The following PIK3CB variants were observed in gnomAD, a reference collection of about 807,000 sequenced individuals.
PIK3CB encodes the protein phosphatidylinositol 4,5-bisphosphate 3-kinase catalytic subunit beta isoform.
Under a neutral mutation model 136.8 loss-of-function variants are expected in PIK3CB, and 39 were observed. That is an observed-to-expected ratio of 0.29 (90% CI 0.22 to 0.37). The LOEUF (loss-of-function observed/expected upper bound fraction) is 0.37, where lower values mean the gene tolerates loss of function less well. Ranked by LOEUF, PIK3CB falls within the 10% of genes least tolerant of loss-of-function variation. The pLI, the probability that PIK3CB is intolerant of heterozygous loss-of-function variation, is 1.00. For missense variants in PIK3CB, 868 were observed against 1,275.4 expected, an observed-to-expected ratio of 0.68 and a Z score of 4.87; for synonymous variants, 428 against 436.6, an observed-to-expected ratio of 0.98 and a Z score of 0.25.
chr3:138,716,826 GC>G (rs1442731209), intron 8 of PIK3CB, among the ~76,000 whole-genome samples: 1 of 147,748 alleles, frequency 6.8e-6, no homozygotes, highest in Non-Finnish European at 1.5e-5. Context: ...AACCCAGGAG[GC>G]GGGTTGCAGT....
chr3:138,674,316 C>T lies in PIK3CB; in HGVS notation c.2504+7651G>A, dbSNP rs2043600911. On this transcript the variant is annotated intron_variant, in intron 19 of 23. Coordinates refer to ENST00000674063, the MANE Select transcript of PIK3CB (RefSeq NM_006219.3). ...AGGGCTAAGGCACAGTTCTGAACCA[C>T]CAGGCTGACTGTTGAAGGCATGACC... Among the ~76,000 whole-genome samples, 3 of 151,984 alleles carry T rather than the reference C, an allele frequency of 2.0e-5. No individual in the cohort carries two copies. In the South Asian group the frequency reaches 6.2e-4, roughly 32 times the overall value.
intron 8 of PIK3CB, among the ~76,000 whole-genome samples, chr3:138,716,938 A>G (rs555121118): frequency 1.6e-4 from 23 of 148,022 alleles, no homozygotes; most frequent in African/African-American, 5.2e-4. Context: ...TTCACCTTGT[A>G]AACTGTGTGA....
At chr3:138,711,686 G>T (rs1182431504) in intron 10 of PIK3CB, among the ~76,000 whole-genome samples, 1 of 150,282 alleles carries the variant, frequency 6.7e-6, no homozygotes, top group African/African-American at 2.4e-5. Flanking sequence ...AAACTTAAAA[G>T]TTATGTCCCA....
Position 138,686,941 on chromosome 3 carries a change from T to C in PIK3CB, c.2136+1934A>G, listed in dbSNP as rs1210688831. 2.0e-5 allele frequency among the ~76,000 whole-genome samples: 3 copies of C among 152,164 alleles called. No homozygotes were observed. The East Asian group carries it at 5.8e-4, about 29-fold the overall frequency. On this transcript the variant is annotated intron_variant, in intron 16 of 23. Transcript: ENST00000674063. ...TACTTCTCAACAGTTTCAGGAGCTG[T>C]ACAAACACTGGTGACAAGGCAACCA...
chr3:138,667,360 G>A (rs532551257), intron 19 of PIK3CB, among the ~76,000 whole-genome samples: 2 of 152,052 alleles, frequency 1.3e-5, no homozygotes, highest in East Asian at 3.9e-4. Flanking sequence ...AAGGACTTCT[G>A]TCATACTCCT....
chr3:138,679,226 T>C (rs759864927), intron 19 of PIK3CB, among the ~76,000 whole-genome samples: 24 of 152,306 alleles, frequency 1.6e-4, no homozygotes, highest in Non-Finnish European at 3.2e-4. Context: ...AATGAGAATA[T>C]AGATCTGAAC....
chr3:138,740,629 T>C (rs2045224085), intron 5 of PIK3CB, among the ~76,000 whole-genome samples: 1 of 152,130 alleles, frequency 6.6e-6, no homozygotes, highest in Non-Finnish European at 1.5e-5. Context: ...TTGTTCATTA[T>C]CACTTTCAAT....
intron 21 of PIK3CB, among the ~76,000 whole-genome samples, chr3:138,658,223 AG>A (rs1243864594): frequency 6.6e-6 from 1 of 152,164 alleles, no homozygotes; most frequent in Non-Finnish European, 1.5e-5. Context: ...CTGAGGCAGG[AG>A]GATCACTTGA....
At chr3:138,767,437 A>T (rs1285556536) in intron 2 of PIK3CB, among the ~76,000 whole-genome samples, 1 of 152,126 alleles carries the variant, frequency 6.6e-6, no homozygotes, top group African/African-American at 2.4e-5. Flanking sequence ...ACTGCCCTAA[A>T]ATAATTCCTA....
In PIK3CB at chr3:138,653,964, A is replaced by C. The variant is rs77023459; in HGVS notation, c.*1425T>G. ...GTCTACTGACTTGGCCATTTCTTGG[A>C]GTTCCAGTGCCAAGTTCCAAAGGCC... On this transcript the variant is annotated 3_prime_UTR_variant, in exon 24 of 24. Coordinates refer to ENST00000674063, the MANE Select transcript of PIK3CB (RefSeq NM_006219.3). 64 of 198,612 alleles carry C rather than the reference A, an allele frequency of 3.2e-4. No homozygotes were observed. Among genetic ancestry groups the C allele is most frequent in the African/African-American group, 1.5e-3 (64 of 43,440 alleles). 12.3% of individuals were successfully genotyped at this position (198,612 alleles called of 1,614,324 possible).
At chr3:138,655,829 A>T (rs2043182224) in intron 23 of PIK3CB, among the ~76,000 whole-genome samples, 1 of 152,184 alleles carries the variant, frequency 6.6e-6, no homozygotes, top group Non-Finnish European at 1.5e-5. Context: ...TGGCAAGAAA[A>T]AGGCAGACTG....
intron 4 of PIK3CB, among the ~76,000 whole-genome samples, chr3:138,748,044 A>G (rs1428880270): frequency 6.6e-6 from 1 of 152,078 alleles, no homozygotes; most frequent in Non-Finnish European, 1.5e-5. Context: ...ATTTGATAAT[A>G]CCCTGTGCTG....
At chr3:138,697,400 A>C (rs1354077926) in intron 13 of PIK3CB, among the ~76,000 whole-genome samples, 2 of 151,838 alleles carry the variant, frequency 1.3e-5, no homozygotes, top group Non-Finnish European at 2.9e-5. Context: ...CAATAATATA[A>C]TTATATAACA....
chr3:138,725,184 T>C (rs1031318959), intron 8 of PIK3CB, among the ~76,000 whole-genome samples: 1 of 151,520 alleles, frequency 6.6e-6, no homozygotes, highest in Non-Finnish European at 1.5e-5. Flanking sequence ...ACTCCCTAAA[T>C]ATATATATTT....
At chr3:138,703,649 T>C (rs1816997) in intron 12 of PIK3CB, among the ~76,000 whole-genome samples, 6,705 of 152,150 alleles carry the variant, frequency 0.044, 487 homozygotes, top group African/African-American at 0.15. Context: ...GATATAGATA[T>C]AAATATAGCA....
At chr3:138,809,464 G>C (rs1412196896) in intron 1 of PIK3CB, among the ~76,000 whole-genome samples, 3 of 151,658 alleles carry the variant, frequency 2.0e-5, no homozygotes, top group African/African-American at 7.3e-5. Flanking sequence ...AAATTAGCTG[G>C]GCATGGTGGC....
rs578041752 is a variant in PIK3CB at position 138,655,488 on chromosome 3, G to C, written c.3114C>G (p.Leu1038=). The change falls in exon 24 of 24, where the codon CTC becomes CTG. Residue 1038 remains leucine, a synonymous_variant. Transcript: ENST00000674063. ...LALGKSEEEA[L]KQFKQKFDEA... ...CATCAAATTTTTGCTTAAACTGTTT[G>C]AGTGCTTCTTCTTCACTCTTCCCTA... is the stretch of plus-strand genomic sequence containing the variant. 1.2e-6 allele frequency: 2 copies of C among 1,612,476 alleles called. No individual in the cohort carries two copies. Among genetic ancestry groups the C allele is most frequent in the East Asian group, 2.2e-5 (1 of 44,884 alleles).
Position 138,785,370 on chromosome 3 carries a change from G to A in PIK3CB, c.-17+11093C>T, listed in dbSNP as rs919794771. On this transcript the variant is annotated intron_variant, in intron 2 of 23. Coordinates refer to ENST00000674063, the MANE Select transcript of PIK3CB (RefSeq NM_006219.3). ...CCATGATGACGATGGCAGTTTTGTC[G>A]AATAGAAAAGGGGGAAATGTGGGGA... Among the ~76,000 whole-genome samples, 10 of 152,172 alleles carry A rather than the reference G, an allele frequency of 6.6e-5. No homozygotes were observed. In the South Asian group the frequency reaches 8.3e-4, roughly 13 times the overall value.
At chr3:138,681,337 T>A (rs1430958132) in intron 19 of PIK3CB, among the ~76,000 whole-genome samples, 1 of 152,158 alleles carries the variant, frequency 6.6e-6, no homozygotes, top group Non-Finnish European at 1.5e-5. Flanking sequence ...TGTGCCAACA[T>A]GCCTATTAGT....
Sources: allele counts gnomAD v4.1 joint callset (sites outside exome capture counted in the v4.1 genomes callset), GRCh38; gene constraint gnomAD v4.1.1; transcripts MANE v1.5; gene names NCBI Gene and HGNC (gene_info 2026-07-23, HGNC 2026-07-21).